Variants in SEMA6A observed in about 807,000 individuals in gnomAD.
SEMA6A encodes semaphorin-6A.
Under a neutral mutation model 96.8 loss-of-function variants are expected in SEMA6A, and 25 were observed. That is an observed-to-expected ratio of 0.26 (90% CI 0.19 to 0.36). SEMA6A has a LOEUF of 0.36. SEMA6A is among the 10% of genes least tolerant of loss of function. The pLI is 1.00. For missense variants in SEMA6A, 1,363 were observed against 1,323.1 expected (o/e 1.03, Z -0.47); for synonymous variants, 612 against 518.0 (o/e 1.18, Z -2.46).
Position 116,520,799 on chromosome 5 carries a change from G to A in SEMA6A, c.-38-15817C>T, listed in dbSNP as rs145038643. ...AGGGCTAGACCAGACAACATTTAGG[G>A]TCCCCATGGAGAACCTGACTGCCTA... On this transcript the variant is annotated intron_variant, in intron 1 of 18. Coordinates refer to ENST00000343348, the MANE Select transcript of SEMA6A (RefSeq NM_020796.5). Among the ~76,000 whole-genome samples the A allele has an allele frequency of 1.7e-3, 262 of 152,256 alleles. 3 individuals carry two copies. Among genetic ancestry groups the A allele is most frequent in the South Asian group, 0.011 (51 of 4,820 alleles).
At chr5:116,485,098 TG>T (rs1756989032) in intron 10 of SEMA6A, among the ~76,000 whole-genome samples, 1 of 152,216 alleles carries the variant, frequency 6.6e-6, no homozygotes, top group Admixed American at 6.5e-5. Flanking sequence ...ACAATGGGTA[TG>T]TATATTTTTA....
chr5:116,513,766 G>T (rs991545410), intron 1 of SEMA6A, among the ~76,000 whole-genome samples: 8 of 152,064 alleles, frequency 5.3e-5, no homozygotes, highest in African/African-American at 9.7e-5. Flanking sequence ...TCTTCCCGAT[G>T]CTCTCCCTCC....
chr5:116,487,874 A>C (rs1757136342), intron 9 of SEMA6A, among the ~76,000 whole-genome samples: 1 of 152,204 alleles, frequency 6.6e-6, no homozygotes, highest in Non-Finnish European at 1.5e-5. Flanking sequence ...AAAAAGAAAA[A>C]AAAGATACTT....
chr5:116,481,456 G>C (rs1442185845), intron 11 of SEMA6A, among the ~76,000 whole-genome samples: 1 of 152,148 alleles, frequency 6.6e-6, no homozygotes, highest in Non-Finnish European at 1.5e-5. Flanking sequence ...AGATAATTCA[G>C]GTAATGAAGA....
chr5:116,473,327 G>C (rs995120360), intron 16 of SEMA6A, among the ~76,000 whole-genome samples: 9 of 152,344 alleles, frequency 5.9e-5, no homozygotes, highest in Admixed American at 5.2e-4. Flanking sequence ...TTTGCCAAGA[G>C]GCAGAGAAAA....
At chr5:116,570,344 T>TGGGG (rs138889764) in intron 1 of SEMA6A, among the ~76,000 whole-genome samples, 21 of 151,028 alleles carry the variant, frequency 1.4e-4, no homozygotes, top group Admixed American at 4.0e-4. Flanking sequence ...CCCAAGAGAG[T>TGGGG]GGGGGGGGTT....
chr5:116,518,571 AAGAG>A (rs1561512420), intron 1 of SEMA6A, among the ~76,000 whole-genome samples: 2 of 152,204 alleles, frequency 1.3e-5, no homozygotes. Flanking sequence ...GGTCAGACAA[AAGAG>A]AGGTGATAAA....
chr5:116,482,982 G>C (rs1343863460), intron 10 of SEMA6A, among the ~76,000 whole-genome samples: 1 of 152,134 alleles, frequency 6.6e-6, no homozygotes, highest in Non-Finnish European at 1.5e-5. Context: ...AAACAAAAAT[G>C]CTCTCCCATT....
chr5:116,545,968 A>G (rs1041873530), intron 1 of SEMA6A, among the ~76,000 whole-genome samples: 1 of 152,244 alleles, frequency 6.6e-6, no homozygotes, highest in Admixed American at 6.5e-5. Flanking sequence ...GTCAAGGGAC[A>G]CAGTAGAGCT....
chr5:116,495,142 G>A (rs913627445), intron 6 of SEMA6A, among the ~76,000 whole-genome samples: 1 of 152,230 alleles, frequency 6.6e-6, no homozygotes, highest in Non-Finnish European at 1.5e-5. Context: ...TACGTGGTAA[G>A]TATGTCAGTC....
chr5:116,528,399 G>A (rs1277063458), intron 1 of SEMA6A, among the ~76,000 whole-genome samples: 4 of 152,060 alleles, frequency 2.6e-5, no homozygotes, highest in African/African-American at 9.7e-5. Flanking sequence ...ATCCTCATTC[G>A]CCTTTACAAT....
intron 13 of SEMA6A, 61 bp from the exon 14 acceptor site, chr5:116,478,215 C>A: frequency 6.4e-7 from 1 of 1,562,698 alleles, no homozygotes; most frequent in South Asian, 1.2e-5. Context: ...CGGCCCCACC[C>A]TCACATCCCA....
rs188553912 is a variant in SEMA6A, at chr5:116,480,749, T to G, written c.1095-472A>C. ...GGGTATGTGCCAGCAAGACTCCGTG[T>G]AATCATGTTTCATTACCTGGGGCTC... On this transcript the variant is annotated intron_variant, in intron 11 of 18. Transcript: ENST00000343348. Among the ~76,000 whole-genome samples, 170 of 152,344 alleles carry G rather than the reference T, an allele frequency of 1.1e-3. 3 individuals carry two copies. Among genetic ancestry groups the G allele is most frequent in the African/African-American group, 3.8e-3 (157 of 41,580 alleles).
chr5:116,452,038 C>T (rs995471337), intron 18 of SEMA6A, among the ~76,000 whole-genome samples: 12 of 152,174 alleles, frequency 7.9e-5, no homozygotes, highest in African/African-American at 2.9e-4. Context: ...GTATCCCTTG[C>T]TTCAGATGCT....
intron 5 of SEMA6A, 56 bp downstream of exon 5, chr5:116,496,195 A>C: frequency 7.1e-7 from 1 of 1,404,362 alleles, no homozygotes; most frequent in South Asian, 1.2e-5. Context: ...GGCTGGAGAT[A>C]ACAGTCAAAA....
At chr5:116,463,942 C>T (rs1755570259) in intron 18 of SEMA6A, among the ~76,000 whole-genome samples, 1 of 152,192 alleles carries the variant, frequency 6.6e-6, no homozygotes, top group African/African-American at 2.4e-5. Flanking sequence ...GATTTCCTTA[C>T]ATACCTCATA....
chr5:116,504,961 G>C lies in SEMA6A; in HGVS notation c.-17C>G, dbSNP rs749732046. On this transcript the variant is annotated 5_prime_UTR_variant, in exon 2 of 19. Transcript: ENST00000343348. ...TGACCTCATAGTAGTTCAGCGGGGA[G>C]ACTTTATTTCTCTACTTCACCCTGC... is the stretch of plus-strand genomic sequence containing the variant. The C allele has an allele frequency of 6.5e-7, 1 of 1,547,224 alleles. No homozygotes were observed. The highest frequency in any genetic ancestry group is 8.8e-7 in the Non-Finnish European group (1 of 1,135,726).
Position 116,497,315 on chromosome 5 carries a change from A to T in SEMA6A, c.279+12T>A. ...TCCTTCATTTTACAAATATAGTTTTAAAACAACTTACTTTGCTACAATAAA... is the reference window on the plus strand; with the variant it reads ...TCCTTCATTTTACAAATATAGTTTTTAAACAACTTACTTTGCTACAATAAA... On this transcript the variant is annotated intron_variant, in intron 4 of 18. Transcript: ENST00000343348. The T allele has an allele frequency of 6.5e-7, 1 of 1,539,592 alleles. No individual in the cohort carries two copies. The highest frequency in any genetic ancestry group is 9.0e-7 in the Non-Finnish European group (1 of 1,114,898).
chr5:116,513,781 A>C (rs371570563), intron 1 of SEMA6A, among the ~76,000 whole-genome samples: 1 of 151,838 alleles, frequency 6.6e-6, no homozygotes, highest in Non-Finnish European at 1.5e-5. Context: ...CCCTCCTTCC[A>C]TGCCCTGCCC....
Sources: gnomAD v4.1 joint callset for allele counts (sites outside exome capture counted in the v4.1 genomes callset) on GRCh38, gnomAD v4.1.1 for gene constraint, MANE v1.5 for transcripts, NCBI Gene and HGNC (gene_info 2026-07-23, HGNC 2026-07-21) for gene names.